ENTREP2: variants seen among roughly 807,000 people sequenced by gnomAD.
ENTREP2 encodes protein ENTREP2.
chr15:29,120,593 C>A, the ENTREP2 span: 1 of 152,384 alleles, frequency 6.6e-6, no homozygotes. Flanking sequence ...AACCTTGTGG[C>A]CCCCAGGCTG....
At chr15:29,508,504 A>C in the ENTREP2 span, among the ~76,000 whole-genome samples, 1 of 152,202 alleles carries the variant, frequency 6.6e-6, no homozygotes, top group Non-Finnish European at 1.5e-5. Flanking sequence ...TCCTCAGTAA[A>C]ATACTGGCAA....
chr15:29,648,033 T>A, the ENTREP2 span, among the ~76,000 whole-genome samples: 5 of 152,236 alleles, frequency 3.3e-5, no homozygotes, highest in African/African-American at 4.8e-5. Context: ...TTGATGAAAC[T>A]GACCTTGTCA....
the ENTREP2 span, among the ~76,000 whole-genome samples, chr15:29,489,510 G>A: frequency 0.04 from 6,162 of 152,240 alleles, 397 homozygotes; most frequent in African/African-American, 0.14. Context: ...CTGTATGTGC[G>A]TATTTTACAA....
At chr15:29,641,845 A>G in the ENTREP2 span, among the ~76,000 whole-genome samples, 36 of 151,790 alleles carry the variant, frequency 2.4e-4, no homozygotes, top group East Asian at 1.5e-3. Flanking sequence ...AAAAAAAAAA[A>G]AAAGAAAGAA....
chr15:29,145,077 A>C, the ENTREP2 span, among the ~76,000 whole-genome samples: 1 of 152,078 alleles, frequency 6.6e-6, no homozygotes, highest in African/African-American at 2.4e-5. Flanking sequence ...TGAATAATTA[A>C]TACAAATTCT....
chr15:29,224,414 C>T, the ENTREP2 span, among the ~76,000 whole-genome samples: 2 of 152,128 alleles, frequency 1.3e-5, no homozygotes, highest in South Asian at 2.1e-4. Context: ...ACTGCTGGCT[C>T]GGGCAGCCCG....
At chr15:29,541,925 C>T in the ENTREP2 span, among the ~76,000 whole-genome samples, 4 of 152,330 alleles carry the variant, frequency 2.6e-5, no homozygotes, top group South Asian at 2.1e-4. Flanking sequence ...CTATCTTTTA[C>T]GCTTTTCTGA....
the ENTREP2 span, among the ~76,000 whole-genome samples, chr15:29,594,984 C>T: frequency 1.3e-4 from 18 of 140,894 alleles, no homozygotes; most frequent in African/African-American, 4.0e-4. Context: ...AGGAGAATGG[C>T]GTGAACCCAG....
At chr15:29,473,572 G>T in the ENTREP2 span, among the ~76,000 whole-genome samples, 2 of 152,054 alleles carry the variant, frequency 1.3e-5, no homozygotes, top group Non-Finnish European at 2.9e-5. Flanking sequence ...ACCTGGGAGC[G>T]GAAGGCCACC....
chr15:29,240,129 G>A, the ENTREP2 span, among the ~76,000 whole-genome samples: 2 of 152,156 alleles, frequency 1.3e-5, no homozygotes, highest in Non-Finnish European at 2.9e-5. Flanking sequence ...TTGGGAGGCC[G>A]AGGCGGGCGG....
At chr15:29,303,645 C>G in the ENTREP2 span, among the ~76,000 whole-genome samples, 1 of 150,610 alleles carries the variant, frequency 6.6e-6, no homozygotes, top group Middle Eastern at 3.2e-3. Context: ...CCCCCTCCCC[C>G]ACCCTCCACC....
the ENTREP2 span, among the ~76,000 whole-genome samples, chr15:29,190,604 G>A: frequency 6.6e-6 from 1 of 152,138 alleles, no homozygotes; most frequent in Admixed American, 6.5e-5. Context: ...AGGAAGGAGG[G>A]GAGGGTGCCT....
chr15:29,619,737 C>G, the ENTREP2 span, among the ~76,000 whole-genome samples: 66 of 152,226 alleles, frequency 4.3e-4, no homozygotes, highest in African/African-American at 1.4e-3. Flanking sequence ...AGGGTAGAGG[C>G]TACGGATTTC....
chr15:29,371,511 C>A, the ENTREP2 span, among the ~76,000 whole-genome samples: 2 of 151,684 alleles, frequency 1.3e-5, no homozygotes, highest in African/African-American at 4.9e-5. Flanking sequence ...TAAATAATGA[C>A]CTAGATGATT....
chr15:29,291,586 C>T, the ENTREP2 span, among the ~76,000 whole-genome samples: 3 of 152,210 alleles, frequency 2.0e-5, no homozygotes, highest in Non-Finnish European at 2.9e-5. Context: ...CCTGGACCCC[C>T]AGCTCTCAGC....
chr15:29,596,862 CT>C, the ENTREP2 span, among the ~76,000 whole-genome samples: 1 of 151,972 alleles, frequency 6.6e-6, no homozygotes, highest in Non-Finnish European at 1.5e-5. Flanking sequence ...TAGAGACAGG[CT>C]TTCGCCATGC....
chr15:29,411,085 T>C, the ENTREP2 span, among the ~76,000 whole-genome samples: 114 of 152,330 alleles, frequency 7.5e-4, no homozygotes, highest in African/African-American at 2.7e-3. Flanking sequence ...GCCTGGCCTA[T>C]ATAATTTATT....
At chr15:29,353,139 A>AT in the ENTREP2 span, among the ~76,000 whole-genome samples, 1,055 of 151,408 alleles carry the variant, frequency 7.0e-3, 7 homozygotes, top group Middle Eastern at 0.027. Context: ...ACACAGCGGC[A>AT]TTTTTTTTTA....
the ENTREP2 span, among the ~76,000 whole-genome samples, chr15:29,203,022 A>G: frequency 4.6e-5 from 7 of 152,286 alleles, no homozygotes; most frequent in African/African-American, 1.7e-4. Context: ...TGCTGGGTCA[A>G]ATGGTATTTC....
Sources: gnomAD v4.1 joint callset for allele counts (sites outside exome capture counted in the v4.1 genomes callset) on GRCh38, gnomAD v4.1.1 for gene constraint, MANE v1.5 for transcripts, NCBI Gene and HGNC (gene_info 2026-07-23, HGNC 2026-07-21) for gene names.